The following IFT80 variants were observed in gnomAD, a reference collection of about 807,000 sequenced individuals.
IFT80 encodes the protein intraflagellar transport protein 80 homolog.
In IFT80, 79 loss-of-function variants were observed where a neutral mutation model predicts 107.9. The ratio of observed to expected loss-of-function variants is 0.73; its 90% CI spans 0.61 to 0.88. The LOEUF is 0.88. IFT80 is among the 40% of genes least tolerant of loss of function. IFT80 has a pLI of 0.00. For synonymous variants in IFT80, 299 were observed against 300.9 expected, an observed-to-expected ratio of 0.99 and a Z score of 0.07; for missense variants, 797 against 914.2, an observed-to-expected ratio of 0.87 and a Z score of 1.65.
chr3:160,285,673 A>G, intron 13 of IFT80, 131 bp downstream of exon 13: 1 of 675,972 alleles, frequency 1.5e-6, no homozygotes, highest in South Asian at 2.0e-5. Context: ...AAAATAGTCA[A>G]TGGAGAATGC....
chr3:160,340,481 T>C (rs1475182353), intron 8 of IFT80, among the ~76,000 whole-genome samples: 1 of 152,198 alleles, frequency 6.6e-6, no homozygotes, highest in Admixed American at 6.5e-5. Context: ...TTCTGGAAGC[T>C]CCGGGAGAAG....
intron 6 of IFT80, among the ~76,000 whole-genome samples, chr3:160,364,942 G>A (rs1721760074): frequency 6.6e-6 from 1 of 151,410 alleles, no homozygotes; most frequent in Admixed American, 6.6e-5. Context: ...CATGGCACAT[G>A]TATACCTATG....
At chr3:160,364,555 A>G (rs887296594) in intron 6 of IFT80, among the ~76,000 whole-genome samples, 6 of 152,226 alleles carry the variant, frequency 3.9e-5, no homozygotes, top group African/African-American at 1.4e-4. Context: ...ATGCATACAT[A>G]TATTTATGGT....
chr3:160,343,072 A>G (rs1179311517), intron 8 of IFT80: 2 of 152,182 alleles, frequency 1.3e-5, no homozygotes, highest in African/African-American at 4.8e-5. Flanking sequence ...AAAAGCATAA[A>G]CTTTGGCCAA....
intron 8 of IFT80, among the ~76,000 whole-genome samples, chr3:160,332,507 A>G (rs1198214249): frequency 1.3e-5 from 2 of 152,182 alleles, no homozygotes; most frequent in Non-Finnish European, 2.9e-5. Flanking sequence ...CCTAACACTT[A>G]AAAGTAGGTG....
chr3:160,397,588 G>A (rs1349895453), intron 1 of IFT80, among the ~76,000 whole-genome samples: 1 of 152,114 alleles, frequency 6.6e-6, no homozygotes, highest in Non-Finnish European at 1.5e-5. Flanking sequence ...TCTCAAGATT[G>A]ACAAACTGAG....
Position 160,268,377 on chromosome 3 carries a change from C to T in IFT80, c.2223+36G>A, listed in dbSNP as rs372855267. ...ATGAATATGACATATACTTATAAAG[C>T]ATATGTATTATTATACAAAATTGTG... is the stretch of plus-strand genomic sequence containing the variant. On this transcript the variant is annotated intron_variant, in intron 19 of 19. Transcript: ENST00000326448. The T allele has an allele frequency of 2.4e-5, 36 of 1,518,866 alleles. No individual in the cohort carries two copies. In the African/African-American group the frequency reaches 4.2e-4, roughly 18 times the overall value. The allele number at this position is 1,518,866 out of a possible 1,614,324, so 94.1% of individuals were successfully genotyped here.
At chr3:160,366,182 C>G in intron 5 of IFT80, 30 bp from the exon 6 acceptor site, 1 of 1,458,682 alleles carries the variant, frequency 6.9e-7, no homozygotes, top group Non-Finnish European at 9.6e-7. Flanking sequence ...AAAAAAAAGG[C>G]TGATAAACTT....
At chr3:160,295,352 C>G (rs751545745) in intron 12 of IFT80, among the ~76,000 whole-genome samples, 17 of 152,166 alleles carry the variant, frequency 1.1e-4, no homozygotes, top group Non-Finnish European at 2.1e-4. Flanking sequence ...TGCCTGTAAT[C>G]CCAGCACTTT....
At chr3:160,382,429 T>C (rs1712594795) in intron 2 of IFT80, among the ~76,000 whole-genome samples, 1 of 152,172 alleles carries the variant, frequency 6.6e-6, no homozygotes, top group South Asian at 2.1e-4. Flanking sequence ...AGATGCATAG[T>C]GCTGGATGAG....
At chr3:160,355,170 G>A (rs751037355) in intron 8 of IFT80, among the ~76,000 whole-genome samples, 18 of 152,194 alleles carry the variant, frequency 1.2e-4, no homozygotes, top group South Asian at 2.1e-4. Flanking sequence ...TTGTATGAAG[G>A]AGGGCATATT....
At chr3:160,318,457 C>T (rs992544961) in intron 9 of IFT80, among the ~76,000 whole-genome samples, 10 of 152,070 alleles carry the variant, frequency 6.6e-5, no homozygotes, top group Admixed American at 2.0e-4. Flanking sequence ...TCGAATCCTT[C>T]TTTTTGAGGA....
At chr3:160,269,018 C>G (rs1047825074) in intron 18 of IFT80, among the ~76,000 whole-genome samples, 1 of 152,062 alleles carries the variant, frequency 6.6e-6, no homozygotes, top group East Asian at 1.9e-4. Context: ...CACTTGAGGT[C>G]AGGAGTTCAA....
intron 8 of IFT80, among the ~76,000 whole-genome samples, chr3:160,339,630 A>G (rs1475499430): frequency 2.0e-5 from 3 of 152,210 alleles, no homozygotes; most frequent in Admixed American, 2.0e-4. Flanking sequence ...AAAGTAAACA[A>G]AGATTATTTT....
chr3:160,397,402 C>T (rs1171434493), intron 1 of IFT80, among the ~76,000 whole-genome samples: 2 of 152,174 alleles, frequency 1.3e-5, no homozygotes, highest in African/African-American at 4.8e-5. Context: ...TTTTCAAGAT[C>T]CTTCAGGAGC....
At chr3:160,298,504 T>A (rs1260107731) in intron 12 of IFT80, among the ~76,000 whole-genome samples, 1 of 152,202 alleles carries the variant, frequency 6.6e-6, no homozygotes, top group African/African-American at 2.4e-5. Flanking sequence ...TAAATGTTAA[T>A]AATTCTTTCT....
chr3:160,277,730 C>T, intron 16 of IFT80, 60 bp from the exon 17 acceptor site: 1 of 1,099,018 alleles, frequency 9.1e-7, no homozygotes, highest in East Asian at 2.4e-5. Flanking sequence ...TTAAAATAAG[C>T]AGTGATTTAA....
intron 16 of IFT80, among the ~76,000 whole-genome samples, chr3:160,277,919 AAAT>A (rs1402037701): frequency 7.2e-5 from 11 of 152,298 alleles, no homozygotes; most frequent in Admixed American, 3.9e-4. Context: ...TCTGAATTTA[AAAT>A]AATAACTCAA....
At chr3:160,387,772 T>C (rs1466159108) in intron 1 of IFT80, among the ~76,000 whole-genome samples, 1 of 152,132 alleles carries the variant, frequency 6.6e-6, no homozygotes, top group African/African-American at 2.4e-5. Context: ...TTGAGGGTTG[T>C]CAGCAAAAAG....
Sources: gnomAD v4.1 joint callset for allele counts (sites outside exome capture counted in the v4.1 genomes callset) on GRCh38, gnomAD v4.1.1 for gene constraint, MANE v1.5 for transcripts, NCBI Gene and HGNC (gene_info 2026-07-23, HGNC 2026-07-21) for gene names.